ZNG1A: variants seen among roughly 807,000 people sequenced by gnomAD.
The protein encoded by ZNG1A is zinc-regulated GTPase metalloprotein activator 1A.
chr9:172,100 G>C, the ZNG1A span: 1 of 1,611,016 alleles, frequency 6.2e-7, no homozygotes, highest in East Asian at 2.2e-5. Context: ...CTAATCCAGT[G>C]GTCTCTAACA....
chr9:158,829 CCATA>C, the ZNG1A span, among the ~76,000 whole-genome samples: 2 of 151,930 alleles, frequency 1.3e-5, no homozygotes, highest in Non-Finnish European at 2.9e-5. Context: ...CATAGGAAAG[CCATA>C]CAAACATTTA....
the ZNG1A span, among the ~76,000 whole-genome samples, chr9:140,584 G>C: frequency 1.3e-5 from 2 of 149,744 alleles, no homozygotes; most frequent in South Asian, 4.2e-4. Context: ...CAGAAAAACT[G>C]GAAACTCTAA....
At chr9:127,547 T>C in the ZNG1A span, among the ~76,000 whole-genome samples, 1 of 152,246 alleles carries the variant, frequency 6.6e-6, no homozygotes, top group African/African-American at 2.4e-5. Flanking sequence ...GGTCCATCCC[T>C]TTACCTTAAG....
At chr9:136,100 CA>C in the ZNG1A span, among the ~76,000 whole-genome samples, 153 of 58,046 alleles carry the variant, frequency 2.6e-3, 19 homozygotes, top group East Asian at 0.021. Context: ...TCATACGCAG[CA>C]AAAAAAAAAA....
the ZNG1A span, among the ~76,000 whole-genome samples, chr9:156,062 C>T: frequency 6.6e-6 from 1 of 150,394 alleles, no homozygotes; most frequent in Non-Finnish European, 1.5e-5. Context: ...ATCGCTTGAA[C>T]CTGGGAGGCG....
chr9:169,136 A>G, the ZNG1A span, among the ~76,000 whole-genome samples: 17 of 152,334 alleles, frequency 1.1e-4, no homozygotes, highest in African/African-American at 3.8e-4. Flanking sequence ...TCATCATTCT[A>G]GATGCCATTA....
chr9:127,084 C>T, the ZNG1A span, among the ~76,000 whole-genome samples: 21 of 152,160 alleles, frequency 1.4e-4, 1 homozygote, highest in South Asian at 4.1e-3. Flanking sequence ...TATTGAGGCT[C>T]ATTTTGTTGG....
At chr9:170,313 C>T in the ZNG1A span, among the ~76,000 whole-genome samples, 14 of 150,982 alleles carry the variant, frequency 9.3e-5, no homozygotes, top group African/African-American at 3.4e-4. Context: ...ATAGAGAGAT[C>T]CCTGGAATAA....
At chr9:143,496 C>A in the ZNG1A span, among the ~76,000 whole-genome samples, 14 of 109,340 alleles carry the variant, frequency 1.3e-4, 1 homozygote, top group Non-Finnish European at 2.0e-4. Flanking sequence ...ATTCAACAAC[C>A]CTTCATGCTA....
At chr9:159,608 A>G in the ZNG1A span, among the ~76,000 whole-genome samples, 1 of 151,918 alleles carries the variant, frequency 6.6e-6, no homozygotes, top group Admixed American at 6.6e-5. Flanking sequence ...ACTCTCTGAA[A>G]TAACACCACT....
At chr9:174,678 G>C in the ZNG1A span, among the ~76,000 whole-genome samples, 4 of 150,284 alleles carry the variant, frequency 2.7e-5, no homozygotes, top group African/African-American at 7.4e-5. Flanking sequence ...TTCCCATCCT[G>C]TTCATAAAAC....
At chr9:146,244 A>C in the ZNG1A span, 1 of 1,544,176 alleles carries the variant, frequency 6.5e-7, no homozygotes, top group Non-Finnish European at 8.8e-7. Context: ...GACTTAAAAA[A>C]TTTTATACAT....
the ZNG1A span, among the ~76,000 whole-genome samples, chr9:142,612 C>CT: frequency 2.3e-5 from 2 of 86,260 alleles, no homozygotes; most frequent in African/African-American, 1.2e-4. Flanking sequence ...AATTGACACC[C>CT]TAACATCACA....
chr9:159,861 T>C, the ZNG1A span: 19 of 352,206 alleles, frequency 5.4e-5, no homozygotes, highest in Non-Finnish European at 8.9e-5. Context: ...TGTAACACTA[T>C]TTTAGTTTTT....
chr9:145,260 G>A, the ZNG1A span, among the ~76,000 whole-genome samples: 1 of 151,268 alleles, frequency 6.6e-6, no homozygotes. Flanking sequence ...TATATTTATT[G>A]CGGCATTATT....
chr9:139,854 C>T, the ZNG1A span, among the ~76,000 whole-genome samples: 6 of 151,572 alleles, frequency 4.0e-5, no homozygotes, highest in Middle Eastern at 3.4e-3. Flanking sequence ...ACTTGGGAAG[C>T]GCAGGGGGTC....
the ZNG1A span, among the ~76,000 whole-genome samples, chr9:128,764 AC>A: frequency 6.6e-6 from 1 of 150,422 alleles, no homozygotes; most frequent in Admixed American, 6.6e-5. Flanking sequence ...GTTTTGTCAT[AC>A]TACCAGGGTC....
chr9:154,889 A>G, the ZNG1A span: 1 of 1,284,490 alleles, frequency 7.8e-7, no homozygotes, highest in South Asian at 1.3e-5. Context: ...CAAATCAAAA[A>G]TAAATAAAAA....
At chr9:139,682 C>G in the ZNG1A span, among the ~76,000 whole-genome samples, 2 of 151,888 alleles carry the variant, frequency 1.3e-5, no homozygotes, top group African/African-American at 4.8e-5. Context: ...ATAGGAACAG[C>G]TCCGGTCTAC....
Sources: allele counts gnomAD v4.1 joint callset (sites outside exome capture counted in the v4.1 genomes callset), GRCh38; gene constraint gnomAD v4.1.1; transcripts MANE v1.5; gene names NCBI Gene and HGNC (gene_info 2026-07-23, HGNC 2026-07-21).